CHEK2: variants seen among roughly 807,000 people sequenced by gnomAD.
CHEK2 encodes serine/threonine-protein kinase Chk2.
In CHEK2, 71 loss-of-function variants were observed where a neutral mutation model predicts 69.1. The observed-to-expected ratio is 1.03, with a 90% CI of 0.85 to 1.25. CHEK2 has a LOEUF of 1.25. Ranked by LOEUF, CHEK2 falls within the 50% of genes most tolerant of loss-of-function variation. CHEK2 has a pLI of 0.00. For synonymous variants in CHEK2, 189 were observed against 226.9 expected (o/e 0.83, Z 1.50); for missense variants, 664 against 649.6 (o/e 1.02, Z -0.24).
chr22:28,734,731 A>G lies in CHEK2; in HGVS notation c.-6-4T>C, dbSNP rs2054342764. The G allele has an allele frequency of 1.2e-6, 2 of 1,612,756 alleles. No homozygotes were observed. The highest frequency in any genetic ancestry group is 1.7e-5 in the Admixed American group (1 of 59,956). ...CCGACTCCCGAGACATCACGACCTC[A>G]AAAAGAAAGTGTCCAACAACAAAGG... On this transcript the variant is annotated splice_polypyrimidine_tract_variant and splice_region_variant and intron_variant, in intron 1 of 14. Coordinates refer to ENST00000404276, the MANE Select transcript of CHEK2 (RefSeq NM_007194.4).
At chr22:28,709,052 C>T (rs992933865) in intron 7 of CHEK2, 1 of 344,786 alleles carries the variant, frequency 2.9e-6, no homozygotes, top group South Asian at 2.2e-5. Context: ...AATGCCATTG[C>T]CTAATGAGCT....
chr22:28,732,568 G>C (rs1259944393), intron 2 of CHEK2, among the ~76,000 whole-genome samples: 1 of 152,084 alleles, frequency 6.6e-6, no homozygotes, highest in Non-Finnish European at 1.5e-5. Context: ...TTTTAAATCA[G>C]TTAAAAATAG....
intron 11 of CHEK2, among the ~76,000 whole-genome samples, chr22:28,695,492 AC>A (rs1165419275): frequency 6.6e-6 from 1 of 152,112 alleles, no homozygotes; most frequent in Non-Finnish European, 1.5e-5. Context: ...CCCCATCACT[AC>A]AAAAAATAGA....
Position 28,719,494 on chromosome 22 carries a change from GA to G in CHEK2, c.593-10del. ...ATCAAAAAAGACAAAAACTAAGGAA[GA>G]AAAGAGTAGAAATGGGTTTCATTAA... is the stretch of plus-strand genomic sequence containing the variant. On this transcript the variant is annotated splice_polypyrimidine_tract_variant and intron_variant, in intron 4 of 14. Transcript: ENST00000404276. 1 of 1,491,956 alleles carries G rather than the reference GA, an allele frequency of 6.7e-7. No homozygotes were observed. The highest frequency in any genetic ancestry group is 9.3e-7 in the Non-Finnish European group (1 of 1,080,718). 92.4% of individuals were successfully genotyped at this position (1,491,956 alleles called of 1,614,324 possible).
chr22:28,698,839 C>A (rs959630788), intron 9 of CHEK2, among the ~76,000 whole-genome samples: 2 of 152,096 alleles, frequency 1.3e-5, no homozygotes, highest in East Asian at 1.9e-4. Flanking sequence ...CATGGGGGAC[C>A]AACCCATCTG....
intron 9 of CHEK2, among the ~76,000 whole-genome samples, chr22:28,698,112 C>A (rs911325731): frequency 2.0e-5 from 3 of 150,306 alleles, no homozygotes; most frequent in Non-Finnish European, 3.0e-5. Flanking sequence ...GGCTTGTGGG[C>A]GGGCACGGTG....
At chr22:28,730,208 AAG>A (rs2054155518) in intron 2 of CHEK2, among the ~76,000 whole-genome samples, 1 of 118,782 alleles carries the variant, frequency 8.4e-6, no homozygotes, top group Non-Finnish European at 1.7e-5. Flanking sequence ...AGGAGAGAGG[AAG>A]AGAGAAGAGG....
At chr22:28,727,560 T>C (rs1395598632) in intron 2 of CHEK2, among the ~76,000 whole-genome samples, 1 of 152,164 alleles carries the variant, frequency 6.6e-6, no homozygotes, top group East Asian at 1.9e-4. Flanking sequence ...TGGCAGGTAA[T>C]TAAATGTTCA....
intron 2 of CHEK2, chr22:28,726,345 G>A (rs944219924): frequency 6.7e-6 from 1 of 149,892 alleles, no homozygotes; most frequent in African/African-American, 2.5e-5. Context: ...CTCCAACCTG[G>A]GCAACAGAGC....
chr22:28,723,886 T>A (rs2053893681), intron 4 of CHEK2, among the ~76,000 whole-genome samples: 1 of 150,740 alleles, frequency 6.6e-6, no homozygotes, highest in African/African-American at 2.4e-5. Flanking sequence ...GAGGCAGAGG[T>A]TGCAGTGCCA....
chr22:28,733,549 T>G (rs1456426852), intron 2 of CHEK2, among the ~76,000 whole-genome samples: 1 of 152,146 alleles, frequency 6.6e-6, no homozygotes. Flanking sequence ...TAAGAGTGGC[T>G]CAAGCATTCT....
chr22:28,706,486 C>T (rs1170040155), intron 7 of CHEK2, among the ~76,000 whole-genome samples: 2 of 152,138 alleles, frequency 1.3e-5, no homozygotes, highest in Non-Finnish European at 2.9e-5. Context: ...CTCTGCTGCC[C>T]AGGCTGAAGT....
In CHEK2 at chr22:28,692,095, A is replaced by G. The variant is rs111317257; in HGVS notation, c.1461+1937T>C. Among the ~76,000 whole-genome samples the G allele has an allele frequency of 1.8e-3, 271 of 152,258 alleles. 1 individual carries two copies. The highest frequency in any genetic ancestry group is 6.0e-3 in the African/African-American group (250 of 41,554). On this transcript the variant is annotated intron_variant, in intron 13 of 14. Transcript: ENST00000404276. ...TTCACCTTCTCCTTGGTTGTTAATAAGTTTTCTTTGACACAAAAAAGTACA... is the reference window on the plus strand; with the variant it reads ...TTCACCTTCTCCTTGGTTGTTAATAGGTTTTCTTTGACACAAAAAAGTACA...
rs549945536 is a variant in CHEK2, at chr22:28,689,187, T to C, written c.1490A>G (p.Asp497Gly). ...QDEDMKRKFQ[D>G]LLSEENESTA... The stretch of plus-strand genomic sequence containing the variant: ...GGATTCATTTTCCTCAGACAGAAGA[T>C]CTTGAAACTTTCTCTTCATGTCTTC... The change falls in exon 14 of 15, where the codon GAT becomes GGT. Residue 497 changes from aspartate to glycine, a missense_variant. By Grantham distance (94) the Asp-to-Gly change is moderately conservative (BLOSUM62 -1). Transcript: ENST00000404276. 6.3e-7 allele frequency: 1 copy of C among 1,593,832 alleles called. No individual in the cohort carries two copies. The highest frequency in any genetic ancestry group is 1.7e-5 in the Admixed American group (1 of 59,988).
intron 13 of CHEK2, among the ~76,000 whole-genome samples, chr22:28,690,393 C>G (rs2052315005): frequency 1.3e-5 from 2 of 152,100 alleles, no homozygotes; most frequent in African/African-American, 2.4e-5. Context: ...CTTTGGGAGG[C>G]CAAGGCAGGC....
intron 4 of CHEK2, among the ~76,000 whole-genome samples, chr22:28,720,035 T>C (rs1213520229): frequency 6.6e-6 from 1 of 152,084 alleles, no homozygotes; most frequent in Non-Finnish European, 1.5e-5. Flanking sequence ...GTAAATAACA[T>C]TTTCTAAACA....
chr22:28,708,003 A>ATT lies in CHEK2; in HGVS notation c.846+2001_846+2002dup, dbSNP rs572802170. Among the ~76,000 whole-genome samples, 3 of 150,314 alleles carry ATT rather than the reference A, an allele frequency of 2.0e-5. No homozygotes were observed. The South Asian group carries it at 6.3e-4, about 32-fold the overall frequency. ...ACGCACCCGCCACCACGCCCGGCTA[A>ATT]TTTTTTTTTGTATTTTTAGTAGAGA... On this transcript the variant is annotated intron_variant, in intron 7 of 14. Transcript: ENST00000404276.
At chr22:28,703,442 T>G (rs1034459489) in intron 8 of CHEK2, 63 bp downstream of exon 8, 1 of 898,586 alleles carries the variant, frequency 1.1e-6, no homozygotes, top group Non-Finnish European at 1.8e-6. Flanking sequence ...TACATTAGAT[T>G]CTTTGGTGGC....
At chr22:28,703,445 T>C in intron 8 of CHEK2, 60 bp downstream of exon 8, 1 of 911,552 alleles carries the variant, frequency 1.1e-6, no homozygotes, top group Admixed American at 2.0e-5. Flanking sequence ...ATTAGATTCT[T>C]TGGTGGCTTT....
Sources: gnomAD v4.1 joint callset for allele counts (sites outside exome capture counted in the v4.1 genomes callset) on GRCh38, gnomAD v4.1.1 for gene constraint, MANE v1.5 for transcripts, NCBI Gene and HGNC (gene_info 2026-07-23, HGNC 2026-07-21) for gene names.